The following TPCN1 variants were observed in gnomAD, a reference collection of about 807,000 sequenced individuals.
TPCN1 encodes two pore segment channel 1, also known as two pore channel protein 1.
Under a neutral mutation model 108.8 loss-of-function variants are expected in TPCN1, and 52 were observed. The observed-to-expected ratio is 0.48, with a 90% CI of 0.38 to 0.60. The LOEUF (loss-of-function observed/expected upper bound fraction) is 0.60. TPCN1 is among the 20% of genes least tolerant of loss of function. The probability of loss-of-function intolerance (pLI) is 0.00; values close to 1 mark genes in which losing one functional copy is unlikely to be tolerated. For missense variants in TPCN1, 806 were observed against 1,072.8 expected, an observed-to-expected ratio of 0.75 and a Z score of 3.47; for synonymous variants, 446 against 433.7, an observed-to-expected ratio of 1.03 and a Z score of -0.35.
At position 113,273,204 on chromosome 12, in the gene TPCN1, G is replaced by A. The variant is rs201637566; in HGVS notation, c.784-28G>A. On this transcript the variant is annotated intron_variant, in intron 8 of 27. Coordinates refer to ENST00000335509, the MANE Select transcript of TPCN1 (RefSeq NM_017901.6). This position sits in a 1 kb window ranked among gnomAD's most constrained non-coding sequence, Gnocchi z 4.0. ...TGGCCGTGTGCTCTTGGCTGGTCCC[G>A]ACTTCTCTGCCCTCTCTTCCCTTGC... 14 of 1,612,922 alleles carry A rather than the reference G, an allele frequency of 8.7e-6. No individual in the cohort carries two copies. Among genetic ancestry groups the A allele is most frequent in the Admixed American group, 3.3e-5 (2 of 60,020 alleles).
intron 22 of TPCN1, 109 bp from the exon 23 acceptor site, chr12:113,290,843 A>G: frequency 9.7e-7 from 1 of 1,026,934 alleles, no homozygotes; most frequent in East Asian, 2.4e-5. Flanking sequence ...TCATATGGTG[A>G]CCCTCTCATC....
intron 2 of TPCN1, among the ~76,000 whole-genome samples, chr12:113,253,468 G>A (rs1268221622): frequency 2.0e-5 from 3 of 152,140 alleles, no homozygotes; most frequent in African/African-American, 2.4e-5. Context: ...GCTGTTGTAC[G>A]TAACATCTGT....
chr12:113,253,127 T>C (rs1954710692), intron 2 of TPCN1, among the ~76,000 whole-genome samples: 1 of 152,060 alleles, frequency 6.6e-6, no homozygotes, highest in Non-Finnish European at 1.5e-5. Context: ...CCCGGGGAGG[T>C]TACTTAGCTT....
At chr12:113,247,952 G>A (rs751788719) in intron 2 of TPCN1, among the ~76,000 whole-genome samples, 9 of 152,218 alleles carry the variant, frequency 5.9e-5, no homozygotes, top group Non-Finnish European at 1.2e-4. Flanking sequence ...CGTCCTGGGA[G>A]GGGGAGAATT....
At chr12:113,292,141 G>A (rs1956289330) in intron 25 of TPCN1, 183 bp downstream of exon 25, 2 of 595,400 alleles carry the variant, frequency 3.4e-6, no homozygotes, top group Non-Finnish European at 6.0e-6. Context: ...AATATTTAAT[G>A]TCAGAAAACG....
intron 3 of TPCN1, among the ~76,000 whole-genome samples, chr12:113,265,751 G>T (rs1955235556): frequency 6.6e-6 from 1 of 151,742 alleles, no homozygotes; most frequent in Non-Finnish European, 1.5e-5. Flanking sequence ...TCCTGCCTTG[G>T]CCTCCCAAAG....
At chr12:113,227,854 G>T (rs1276772915) in intron 2 of TPCN1, among the ~76,000 whole-genome samples, 1 of 152,150 alleles carries the variant, frequency 6.6e-6, no homozygotes, top group Non-Finnish European at 1.5e-5. Context: ...CAGGGAGTTT[G>T]GTGGCCTCCC....
intron 2 of TPCN1, among the ~76,000 whole-genome samples, chr12:113,258,238 G>A (rs1330049252): frequency 2.0e-5 from 3 of 152,054 alleles, no homozygotes; most frequent in Non-Finnish European, 1.5e-5. Context: ...AGGCCCAGGC[G>A]GGTGGATCAC....
chr12:113,290,374 G>A, intron 22 of TPCN1, 131 bp downstream of exon 22: 2 of 675,838 alleles, frequency 3.0e-6, no homozygotes, highest in East Asian at 2.7e-5. Context: ...TGGCCCAGGT[G>A]GAGGACTTGG....
At position 113,273,574 on chromosome 12, in the gene TPCN1, C is replaced by G; in HGVS notation, c.848C>G (p.Pro283Arg). ...GTCACCCTCTGCAAATACAGTTTCC[C>G]AGATGTGATGATGCCCTCCTACTCC... ...LFVLLTTANF[P>R]DVMMPSYSRN... The change falls in exon 10 of 28, where the codon CCA becomes CGA. Residue 283 changes from proline to arginine, a missense_variant. Coordinates refer to ENST00000335509, the MANE Select transcript of TPCN1 (RefSeq NM_017901.6). This position sits in a 1 kb window ranked among gnomAD's most constrained non-coding sequence, Gnocchi z 4.0. 6.2e-7 allele frequency: 1 copy of G among 1,613,912 alleles called. No individual in the cohort carries two copies. The highest frequency in any genetic ancestry group is 8.5e-7 in the Non-Finnish European group (1 of 1,179,776).
At chr12:113,283,909 C>T (rs141134468) in intron 15 of TPCN1, among the ~76,000 whole-genome samples, 48 of 152,320 alleles carry the variant, frequency 3.2e-4, no homozygotes, top group Admixed American at 2.6e-3. Flanking sequence ...CCTGGGCTCA[C>T]GCAATCCACC....
In TPCN1 at chr12:113,269,825, T is replaced by C. The variant is rs1245851240; in HGVS notation, c.728T>C (p.Met243Thr). 2 of 1,614,032 alleles carry C rather than the reference T, an allele frequency of 1.2e-6. No homozygotes were observed. The highest frequency in any genetic ancestry group is 1.7e-5 in the Admixed American group (1 of 60,022). ...MDILLLLLFFMIIFAILGFYL... is the reference protein window; with the variant it reads ...MDILLLLLFFTIIFAILGFYL... Reference sequence around the variant, plus strand: ...ATCCTCCTGCTGCTGCTGTTCTTCATGATCATCTTTGCCATCCTCGGTGAG... The same window carrying C: ...ATCCTCCTGCTGCTGCTGTTCTTCACGATCATCTTTGCCATCCTCGGTGAG... Residue 243 changes from methionine to threonine, a missense_variant, in exon 7 of 28, where the codon ATG becomes ACG. Coordinates refer to ENST00000335509, the MANE Select transcript of TPCN1 (RefSeq NM_017901.6). The surrounding 1 kb of genome is among the most constrained non-coding windows in gnomAD (Gnocchi z 5.0).
Position 113,288,449 on chromosome 12 carries a change from G to A in TPCN1, c.1706+215G>A. The A allele has an allele frequency of 6.7e-7, 1 of 1,490,336 alleles. No homozygotes were observed. The highest frequency in any genetic ancestry group is 8.9e-7 in the Non-Finnish European group (1 of 1,121,656). 92.3% of individuals were successfully genotyped at this position (1,490,336 alleles called of 1,614,324 possible). A position where few individuals can be genotyped will look rare whatever the true frequency, so the allele number is the denominator to read the frequency against. ...CCTGTCTGACATATTTAGTAGGGAG[G>A]GCAGGGAGCTGTCAACTCGCTTACC... On this transcript the variant is annotated intron_variant, in intron 20 of 27. Transcript: ENST00000335509. The surrounding 1 kb of genome is among the most constrained non-coding windows in gnomAD (Gnocchi z 4.8).
chr12:113,265,072 C>T (rs932720020), intron 3 of TPCN1, among the ~76,000 whole-genome samples: 6 of 152,090 alleles, frequency 3.9e-5, no homozygotes, highest in African/African-American at 7.2e-5. Flanking sequence ...GTGATCCACC[C>T]GCCTCAGCCT....
chr12:113,228,264 A>T (rs1405670771), intron 2 of TPCN1, among the ~76,000 whole-genome samples: 1 of 151,972 alleles, frequency 6.6e-6, no homozygotes, highest in Admixed American at 6.5e-5. Flanking sequence ...TCCTTCTTTT[A>T]CTTCTTCAGC....
intron 24 of TPCN1, 56 bp from the exon 25 acceptor site, chr12:113,291,818 G>C: frequency 6.4e-7 from 1 of 1,567,108 alleles, no homozygotes; most frequent in Non-Finnish European, 8.8e-7. Flanking sequence ...CGCAGCCACG[G>C]ACACCTACCC....
In TPCN1 at chr12:113,288,613, C is replaced by G; in HGVS notation, c.1707-145C>G. 1 of 1,512,930 alleles carries G rather than the reference C, an allele frequency of 6.6e-7. No individual in the cohort carries two copies. Among genetic ancestry groups the G allele is most frequent in the East Asian group, 2.3e-5 (1 of 42,976 alleles). The allele number at this position is 1,512,930 out of a possible 1,614,324, so 93.7% of individuals were successfully genotyped here. Reference sequence around the variant, plus strand: ...TCACCCCAGAGCTGCCCCACGAGGCCCCTTCCCCGCAGGCACTTTCCAGTT... The same window carrying G: ...TCACCCCAGAGCTGCCCCACGAGGCGCCTTCCCCGCAGGCACTTTCCAGTT... On this transcript the variant is annotated intron_variant, in intron 20 of 27. Coordinates refer to ENST00000335509, the MANE Select transcript of TPCN1 (RefSeq NM_017901.6). This position sits in a 1 kb window ranked among gnomAD's most constrained non-coding sequence, Gnocchi z 4.8.
In TPCN1 at chr12:113,288,313, G is replaced by T. The variant is rs778996450; in HGVS notation, c.1706+79G>T. The T allele has an allele frequency of 1.2e-5, 19 of 1,596,540 alleles. No individual in the cohort carries two copies. In the Middle Eastern group the frequency reaches 5.0e-4, roughly 42 times the overall value. ...CCGTGGGGGCGGGAGCCGAGTGGCA[G>T]TCGGGGGAAAGGAGTTCCACAAAGG... On this transcript the variant is annotated intron_variant, in intron 20 of 27. Transcript: ENST00000335509. The surrounding 1 kb of genome is among the most constrained non-coding windows in gnomAD (Gnocchi z 4.8).
intron 1 of TPCN1, among the ~76,000 whole-genome samples, chr12:113,224,221 C>T (rs1199814744): frequency 6.6e-6 from 1 of 152,100 alleles, no homozygotes; most frequent in African/African-American, 2.4e-5. Context: ...GCTGTGGGTC[C>T]TTGGGCAGGA....
Sources: allele counts gnomAD v4.1 joint callset (sites outside exome capture counted in the v4.1 genomes callset), GRCh38; gene constraint gnomAD v4.1.1; non-coding constraint Gnocchi (gnomAD v3.1); transcripts MANE v1.5; gene names NCBI Gene and HGNC (gene_info 2026-07-23, HGNC 2026-07-21).